The following PRRC2C variants were observed in gnomAD, a reference collection of about 807,000 sequenced individuals.
PRRC2C encodes proline rich coiled-coil 2C.
PRRC2C carries 72 observed loss-of-function variants against 317.2 expected under a neutral mutation model. The observed-to-expected ratio is 0.23, with a 90% CI of 0.19 to 0.28. The LOEUF (loss-of-function observed/expected upper bound fraction) is 0.28. PRRC2C is among the 10% of genes least tolerant of loss of function. The pLI, the probability that PRRC2C is intolerant of heterozygous loss-of-function variation, is 1.00. For missense variants in PRRC2C, 3,074 were observed against 3,459.7 expected (o/e 0.89, Z 2.80); for synonymous variants, 1,296 against 1,205.9 (o/e 1.07, Z -1.55).
At chr1:171,589,330 T>TTAA in intron 33 of PRRC2C, 39 bp from the exon 34 acceptor site, 1 of 691,962 alleles carries the variant, frequency 1.4e-6, no homozygotes, top group Non-Finnish European at 2.0e-6. Flanking sequence ...TTTTTTTTTT[T>TTAA]AACAGTTCAA....
At chr1:171,495,194 A>G (rs993276423) in intron 1 of PRRC2C, among the ~76,000 whole-genome samples, 2 of 152,214 alleles carry the variant, frequency 1.3e-5, no homozygotes, top group South Asian at 4.1e-4. Flanking sequence ...TTAGATTTCT[A>G]TTAAAATTTT....
chr1:171,591,102 G>C, intron 34 of PRRC2C: 2 of 891,020 alleles, frequency 2.2e-6, no homozygotes, highest in African/African-American at 1.8e-5. Context: ...TCAGAACTTA[G>C]TGATCAAGTG....
In PRRC2C at chr1:171,589,520, A is replaced by G. The variant is rs1246570087; in HGVS notation, c.8351A>G (p.His2784Arg). The change falls in exon 34 of 35, where the codon CAT (histidine) becomes CGT (arginine). Residue 2784 changes from histidine (H) to arginine (R), a missense_variant. By Grantham distance (29) the His-to-Arg change is conservative. Transcript: ENST00000647382. ...TGLMSHARLP[H>R]VARGPCGSLS... ...CTCATGAGCCATGCTCGTTTGCCAC[A>G]TGTAGCCAGGGGTCCTTGTGGATCA... 3.1e-6 allele frequency: 4 copies of G among 1,289,656 alleles called. No homozygotes were observed. The highest frequency in any genetic ancestry group is 4.0e-6 in the Non-Finnish European group (4 of 988,860). 79.9% of individuals were successfully genotyped at this position (1,289,656 alleles called of 1,614,324 possible).
In PRRC2C at chr1:171,577,456, T is replaced by C. The variant is rs1424334475; in HGVS notation, c.6978T>C (p.Ser2326=). The C allele has an allele frequency of 6.2e-7, 1 of 1,610,560 alleles. No individual in the cohort carries two copies. ...TAGGAGCTGGTACATACACTACCTC[T>C]TCTTTGAGCACAAAATCTACAACCA... is the stretch of plus-strand genomic sequence containing the variant. ...SLSGAGTYTT[S]SLSTKSTTTS... The change falls in exon 26 of 35, where the codon TCT becomes TCC. Residue 2326 remains serine (S), a synonymous_variant. Coordinates refer to ENST00000647382, the MANE Select transcript of PRRC2C (RefSeq NM_001387844.1).
intron 22 of PRRC2C, 39 bp downstream of exon 22, chr1:171,566,882 A>C: frequency 6.4e-7 from 1 of 1,562,844 alleles, no homozygotes; most frequent in East Asian, 2.3e-5. Flanking sequence ...AACAGATGCA[A>C]GCCATGTCTA....
chr1:171,523,123 A>G, intron 7 of PRRC2C, 98 bp from the exon 8 acceptor site: 3 of 1,149,228 alleles, frequency 2.6e-6, no homozygotes, highest in Non-Finnish European at 3.6e-6. Flanking sequence ...GGTGTAGAAA[A>G]CACTAATGTT....
chr1:171,504,629 C>T (rs532392129), intron 1 of PRRC2C, among the ~76,000 whole-genome samples: 4 of 152,164 alleles, frequency 2.6e-5, no homozygotes, highest in Non-Finnish European at 5.9e-5. Context: ...AACTATTTGT[C>T]TTATTTTTAC....
At position 171,591,584 on chromosome 1, in the gene PRRC2C, A is replaced by C. The variant is rs368633356; in HGVS notation, c.8437-3A>C. The C allele has an allele frequency of 6.2e-7, 1 of 1,607,152 alleles. No homozygotes were observed. Among genetic ancestry groups the C allele is most frequent in the Non-Finnish European group, 8.5e-7 (1 of 1,175,480 alleles). ...TTTCAGTTGTTCTTTCTCATTTTTT[A>C]AGGCAAAGCAGAGAGCAGAGGTTCT... On this transcript the variant is annotated splice_region_variant and splice_polypyrimidine_tract_variant and intron_variant, in intron 34 of 34. Transcript: ENST00000647382.
In PRRC2C at chr1:171,591,885, G is replaced by GCCCCC; in HGVS notation, c.*38_*39insCCCCC. On this transcript the variant is annotated 3_prime_UTR_variant, in exon 35 of 35. Transcript: ENST00000647382. ...ATTGCAGGGGATTGGGAGGGGGGCGGGAAAACATGGAGAATTAAGTCAGAT... is the reference window on the plus strand; with the variant it reads ...ATTGCAGGGGATTGGGAGGGGGGCGGCCCCCGAAAACATGGAGAATTAAGTCAGAT... The GCCCCC allele has an allele frequency of 4.6e-6, 2 of 433,584 alleles. No individual in the cohort carries two copies. The highest frequency in any genetic ancestry group is 8.6e-6 in the Non-Finnish European group (2 of 233,608). 26.9% of individuals were successfully genotyped at this position (433,584 alleles called of 1,614,324 possible).
At chr1:171,514,262 A>ATGTGTGTG (rs10531775) in intron 3 of PRRC2C, among the ~76,000 whole-genome samples, 15 of 148,692 alleles carry the variant, frequency 1.0e-4, no homozygotes, top group Non-Finnish European at 1.8e-4. Flanking sequence ...GTGTGTGTGT[A>ATGTGTGTG]TGTGTGTGTG....
At chr1:171,508,362 C>T (rs1670647307) in intron 1 of PRRC2C, among the ~76,000 whole-genome samples, 1 of 152,108 alleles carries the variant, frequency 6.6e-6, no homozygotes, top group South Asian at 2.1e-4. Flanking sequence ...GGATGTTAAA[C>T]TTTGTCACGT....
chr1:171,507,766 A>G (rs1670533720), intron 1 of PRRC2C, among the ~76,000 whole-genome samples: 1 of 152,180 alleles, frequency 6.6e-6, no homozygotes, highest in African/African-American at 2.4e-5. Flanking sequence ...CTTGTTAACA[A>G]TATTAATTCT....
intron 5 of PRRC2C, 55 bp from the exon 6 acceptor site, chr1:171,517,536 T>C (rs763504013): frequency 4.4e-5 from 67 of 1,536,716 alleles, no homozygotes; most frequent in Non-Finnish European, 5.8e-5. Context: ...TTGGTTTCAC[T>C]TTGTTCCATT....
At position 171,532,843 on chromosome 1, in the gene PRRC2C, A is replaced by G; in HGVS notation, c.1755A>G (p.Gln585=). ...AAGAACTACAAAAGATGAAAGAACA[A>G]GAAAAGGAATGTGAGCTGGAGAAGG... ...KEKELQKMKE[Q]EKECELEKER... The change falls in exon 12 of 35, where the codon CAA becomes CAG. Residue 585 remains glutamine, a synonymous_variant. Coordinates refer to ENST00000647382, the MANE Select transcript of PRRC2C (RefSeq NM_001387844.1). 3.1e-6 allele frequency: 5 copies of G among 1,601,508 alleles called. No individual in the cohort carries two copies. Among genetic ancestry groups the G allele is most frequent in the Non-Finnish European group, 3.4e-6 (4 of 1,176,746 alleles).
intron 1 of PRRC2C, among the ~76,000 whole-genome samples, chr1:171,505,203 T>A (rs1246975884): frequency 1.3e-5 from 2 of 152,110 alleles, no homozygotes; most frequent in Non-Finnish European, 2.9e-5. Context: ...AATTTTTGTA[T>A]TTTTAGTAGA....
intron 11 of PRRC2C, among the ~76,000 whole-genome samples, chr1:171,529,421 C>T (rs948448699): frequency 6.6e-6 from 1 of 152,206 alleles, no homozygotes. Context: ...TGCATACCCA[C>T]AGTGCTGCTT....
At chr1:171,581,100 A>C (rs1648475594) in intron 28 of PRRC2C, among the ~76,000 whole-genome samples, 1 of 152,022 alleles carries the variant, frequency 6.6e-6, no homozygotes, top group Admixed American at 6.6e-5. Flanking sequence ...AATTTAAGAC[A>C]CCTGTATCAT....
At chr1:171,513,278 T>C (rs1285811219) in intron 3 of PRRC2C, 106 bp downstream of exon 3, 10 of 1,168,776 alleles carry the variant, frequency 8.6e-6, no homozygotes, top group Non-Finnish European at 1.1e-5. Context: ...GTATTACATA[T>C]TACATATTTT....
intron 18 of PRRC2C, among the ~76,000 whole-genome samples, chr1:171,555,548 T>C (rs1681205560): frequency 2.0e-5 from 3 of 152,230 alleles, no homozygotes; most frequent in South Asian, 2.1e-4. Flanking sequence ...AGAGTTGCTC[T>C]GGTTTTTAGA....
Sources: allele counts gnomAD v4.1 joint callset (sites outside exome capture counted in the v4.1 genomes callset), GRCh38; gene constraint gnomAD v4.1.1; transcripts MANE v1.5; gene names NCBI Gene and HGNC (gene_info 2026-07-23, HGNC 2026-07-21).